The following DPH7 variants were observed in gnomAD, a reference collection of about 807,000 sequenced individuals.
DPH7 encodes diphthamide biosynthesis 7.
In DPH7, 44 loss-of-function variants were observed where a neutral mutation model predicts 41.7. That is an observed-to-expected ratio of 1.05 (90% CI 0.83 to 1.36). The LOEUF (loss-of-function observed/expected upper bound fraction) is 1.36, where lower values mean the gene tolerates loss of function less well. Among genes scored for constraint, DPH7 ranks in the 40% most tolerant of loss-of-function variants. The pLI, the probability that DPH7 is intolerant of heterozygous loss-of-function variation, is 0.00. For missense variants in DPH7, 629 were observed against 577.5 expected (o/e 1.09, Z -0.91); for synonymous variants, 275 against 238.0 (o/e 1.16, Z -1.43).
chr9:137,558,516 AC>A (rs1327000190), intron 8 of DPH7, among the ~76,000 whole-genome samples: 3 of 152,230 alleles, frequency 2.0e-5, no homozygotes, highest in African/African-American at 7.2e-5. Flanking sequence ...GAATTCTGAC[AC>A]ATGCTCCAAC....
Position 137,577,467 on chromosome 9 carries a change from T to C in DPH7, c.287+3A>G. The C allele has an allele frequency of 6.2e-7, 1 of 1,613,960 alleles. No individual in the cohort carries two copies. Among genetic ancestry groups the C allele is most frequent in the Non-Finnish European group, 8.5e-7 (1 of 1,179,928 alleles). On this transcript the variant is annotated splice_donor_region_variant and intron_variant, in intron 2 of 8. Coordinates refer to ENST00000277540, the MANE Select transcript of DPH7 (RefSeq NM_138778.5). Reference sequence around the variant, plus strand: ...ACACCCAGTGGGATTATCACAGTTATACCATTTCATGTCCAGGATTGCAGA... The same window carrying C: ...ACACCCAGTGGGATTATCACAGTTACACCATTTCATGTCCAGGATTGCAGA...
intron 5 of DPH7, among the ~76,000 whole-genome samples, chr9:137,570,643 G>A (rs1488573670): frequency 6.6e-6 from 1 of 152,182 alleles, no homozygotes; most frequent in Non-Finnish European, 1.5e-5. Context: ...AGGAAACAAA[G>A]TCCTTCCTGG....
chr9:137,558,161 G>C (rs1005023251), intron 8 of DPH7, among the ~76,000 whole-genome samples: 1 of 152,120 alleles, frequency 6.6e-6, no homozygotes, highest in African/African-American at 2.4e-5. Context: ...AGAAAAAAAG[G>C]CCTATACAGA....
chr9:137,575,459 C>A (rs964846230), intron 3 of DPH7: 3 of 988,426 alleles, frequency 3.0e-6, no homozygotes, highest in African/African-American at 3.5e-5. Context: ...CTGCTCTTTC[C>A]CTCCTTTCTA....
intron 8 of DPH7, among the ~76,000 whole-genome samples, chr9:137,563,605 G>A (rs1839011529): frequency 6.6e-6 from 1 of 151,986 alleles, no homozygotes. Context: ...ATCCAGTGCA[G>A]AGAAGAAACT....
chr9:137,560,498 A>G, intron 8 of DPH7, among the ~76,000 whole-genome samples: 1 of 152,166 alleles, frequency 6.6e-6, no homozygotes, highest in Non-Finnish European at 1.5e-5. Flanking sequence ...AGGCAGGCAG[A>G]TCACAAAGTC....
chr9:137,560,282 T>G (rs936207753), intron 8 of DPH7, among the ~76,000 whole-genome samples: 1 of 151,908 alleles, frequency 6.6e-6, no homozygotes, highest in African/African-American at 2.4e-5. Flanking sequence ...AAACAGGCGG[T>G]GGCTGGGAAC....
intron 8 of DPH7, among the ~76,000 whole-genome samples, chr9:137,559,885 A>T (rs1392252852): frequency 5.3e-5 from 8 of 152,144 alleles, no homozygotes; most frequent in Admixed American, 5.2e-4. Context: ...CCCCGGGCCC[A>T]GCTGTCTTTT....
rs568365639 is a variant in DPH7, at chr9:137,574,484, C to T, written c.468-104G>A. 1.0e-4 allele frequency: 125 copies of T among 1,216,878 alleles called. No individual in the cohort carries two copies. In the South Asian group the frequency reaches 1.4e-3, roughly 14 times the overall value. 75.4% of individuals were successfully genotyped at this position (1,216,878 alleles called of 1,614,324 possible). ...AGACGGTCTCCACAGCCCTGGGATG[C>T]GGATATGCCCCTTAAGAGACTGGCG... On this transcript the variant is annotated intron_variant, in intron 4 of 8. Coordinates refer to ENST00000277540, the MANE Select transcript of DPH7 (RefSeq NM_138778.5).
Position 137,577,477 on chromosome 9 carries a change from T to C in DPH7, c.280A>G (p.Met94Val), listed in dbSNP as rs754649586. ...GGATTATCACAGTTATACCATTTCATGTCCAGGATTGCAGAAGTATCTTTT... is the reference window on the plus strand; with the variant it reads ...GGATTATCACAGTTATACCATTTCACGTCCAGGATTGCAGAAGTATCTTTT... ...QRKDTSAILD[M>V]KWCHIPVAGH... The change falls in exon 2 of 9, where the codon ATG (methionine) becomes GTG (valine). Residue 94 changes from methionine (M) to valine (V), a missense_variant. Transcript: ENST00000277540. 1.9e-6 allele frequency: 3 copies of C among 1,613,976 alleles called. No individual in the cohort carries two copies. Among genetic ancestry groups the C allele is most frequent in the Non-Finnish European group, 2.5e-6 (3 of 1,179,934 alleles).
chr9:137,564,729 C>T, intron 7 of DPH7, 123 bp from the exon 8 acceptor site: 1 of 1,457,374 alleles, frequency 6.9e-7, no homozygotes, highest in South Asian at 1.2e-5. Flanking sequence ...AGGACAAAGT[C>T]CCCTTTACCA....
At chr9:137,575,657 G>A in intron 3 of DPH7, 1 of 1,015,234 alleles carries the variant, frequency 9.8e-7, no homozygotes, top group South Asian at 4.1e-5. Context: ...CTTTGTTAAT[G>A]CATGGCTCCA....
intron 5 of DPH7, 59 bp downstream of exon 5, chr9:137,574,149 C>A: frequency 6.4e-7 from 1 of 1,558,488 alleles, no homozygotes; most frequent in Non-Finnish European, 8.8e-7. Context: ...CTCCCTCTCT[C>A]CCTCCGCCCC....
chr9:137,577,430 A>T (rs1359361325), intron 2 of DPH7, 40 bp downstream of exon 2: 4 of 1,597,818 alleles, frequency 2.5e-6, no homozygotes, highest in Non-Finnish European at 2.6e-6. Flanking sequence ...ATTGCTACTC[A>T]TGACAAATTC....
chr9:137,564,679 C>A, intron 7 of DPH7, 73 bp from the exon 8 acceptor site: 1 of 1,558,782 alleles, frequency 6.4e-7, no homozygotes, highest in South Asian at 1.2e-5. Context: ...CCCTGGGGGG[C>A]ACAGAACGTC....
chr9:137,555,319 C>T lies in DPH7; in HGVS notation c.1279G>A (p.Ala427Thr), dbSNP rs1171215216. ...TRDCGVNPEE[A>T]DSAFSLLATC... The stretch of plus-strand genomic sequence containing the variant: ...GCCAGGAGGCTGAAGGCTGAGTCTG[C>T]TTCTTCTGGGTTCACGCCACAGTCA... The change falls in exon 9 of 9, where the codon GCA becomes ACA. Residue 427 changes from alanine (A) to threonine (T), a missense_variant. Transcript: ENST00000277540. 9.3e-6 allele frequency: 15 copies of T among 1,613,604 alleles called. No individual in the cohort carries two copies. The highest frequency in any genetic ancestry group is 1.3e-5 in the Non-Finnish European group (15 of 1,179,752).
intron 7 of DPH7, 25 bp from the exon 8 acceptor site, chr9:137,564,631 C>T (rs1839244096): frequency 6.3e-7 from 1 of 1,599,008 alleles, no homozygotes; most frequent in South Asian, 1.1e-5. Context: ...CCACAGGAGG[C>T]ATATAAGGAA....
At chr9:137,562,835 C>G (rs1382747327) in intron 8 of DPH7, among the ~76,000 whole-genome samples, 4 of 152,240 alleles carry the variant, frequency 2.6e-5, no homozygotes, top group African/African-American at 9.6e-5. Flanking sequence ...GGCGTGGTGG[C>G]ACAAGCCTGT....
At chr9:137,574,027 C>G (rs1840944348) in intron 5 of DPH7, among the ~76,000 whole-genome samples, 181 bp downstream of exon 5, 1 of 152,188 alleles carries the variant, frequency 6.6e-6, no homozygotes, top group Non-Finnish European at 1.5e-5. Context: ...CATCGTGCCA[C>G]TGCACTCTAG....
Sources: gnomAD v4.1 joint callset for allele counts (sites outside exome capture counted in the v4.1 genomes callset) on GRCh38, gnomAD v4.1.1 for gene constraint, MANE v1.5 for transcripts, NCBI Gene and HGNC (gene_info 2026-07-23, HGNC 2026-07-21) for gene names.